NTM: variants seen among roughly 807,000 people sequenced by gnomAD.
NTM encodes IgLON family member 2.
NTM carries 13 observed loss-of-function variants against 42.1 expected under a neutral mutation model. The ratio of observed to expected loss-of-function variants is 0.31; its 90% CI spans 0.20 to 0.49. The LOEUF (loss-of-function observed/expected upper bound fraction) is 0.49, where lower values mean the gene tolerates loss of function less well. NTM is among the 20% of genes least tolerant of loss of function. NTM has a pLI of 0.99. For missense variants in NTM, 373 were observed against 452.8 expected (o/e 0.82, Z 1.60); for synonymous variants, 187 against 179.2 (o/e 1.04, Z -0.35).
At chr11:131,665,522 T>C (rs923693073) in intron 1 of NTM, among the ~76,000 whole-genome samples, 1 of 152,188 alleles carries the variant, frequency 6.6e-6, no homozygotes, top group Non-Finnish European at 1.5e-5. Flanking sequence ...AATGTCCTTA[T>C]AGAAAGCGAT....
In NTM at chr11:131,851,043, A is replaced by T. The variant is rs539981327; in HGVS notation, c.83-60521A>T. Among the ~76,000 whole-genome samples the T allele has an allele frequency of 2.6e-5, 4 of 152,308 alleles. No individual in the cohort carries two copies. In the South Asian group the frequency reaches 6.2e-4, roughly 24 times the overall value. ...AGCTTGGGCCCTCCTGAGTGTCCAC[A>T]CCAAAGCTGAGTTGAGACTTGCTTT... On this transcript the variant is annotated intron_variant, in intron 1 of 8. Coordinates refer to ENST00000683400, the MANE Select transcript of NTM (RefSeq NM_001352005.2).
chr11:131,702,669 A>G (rs540340721), intron 1 of NTM, among the ~76,000 whole-genome samples: 14 of 152,346 alleles, frequency 9.2e-5, no homozygotes, highest in African/African-American at 2.9e-4. Context: ...TGCTTTCCCA[A>G]GTGACTATTG....
chr11:132,187,608 G>A (rs2078636228), intron 3 of NTM, among the ~76,000 whole-genome samples: 1 of 152,154 alleles, frequency 6.6e-6, no homozygotes, highest in Non-Finnish European at 1.5e-5. Context: ...CTGTGCTGCT[G>A]GTGACCTCCA....
chr11:131,833,223 G>A (rs1241688049), intron 1 of NTM, among the ~76,000 whole-genome samples: 1 of 152,220 alleles, frequency 6.6e-6, no homozygotes, highest in Non-Finnish European at 1.5e-5. Flanking sequence ...GGAAAGGTGA[G>A]CTTTGTAGTC....
chr11:132,134,266 C>T (rs747608589), intron 2 of NTM, among the ~76,000 whole-genome samples: 2 of 151,536 alleles, frequency 1.3e-5, no homozygotes, highest in African/African-American at 2.4e-5. Context: ...AGGGGGAACA[C>T]CTTCTCACCT....
At chr11:131,751,792 C>T (rs2082591190) in intron 1 of NTM, among the ~76,000 whole-genome samples, 1 of 118,648 alleles carries the variant, frequency 8.4e-6, no homozygotes, top group South Asian at 2.9e-4. Flanking sequence ...ATACTTATTA[C>T]CATTTGTAGC....
chr11:132,118,514 CAG>C (rs759361252), intron 2 of NTM, among the ~76,000 whole-genome samples: 4 of 152,152 alleles, frequency 2.6e-5, no homozygotes, highest in Non-Finnish European at 5.9e-5. Context: ...ACATAAATGG[CAG>C]AGAGAAGAAA....
chr11:131,462,115 A>G (rs1453547836), intron 1 of NTM, among the ~76,000 whole-genome samples: 2 of 152,242 alleles, frequency 1.3e-5, no homozygotes, highest in Non-Finnish European at 2.9e-5. Context: ...AGTTGCTGAT[A>G]TTGTTACATG....
intron 2 of NTM, among the ~76,000 whole-genome samples, chr11:132,084,125 A>G (rs2059413646): frequency 6.6e-6 from 1 of 152,118 alleles, no homozygotes; most frequent in South Asian, 2.1e-4. Context: ...CACAATTTTC[A>G]AAATTATCAG....
At chr11:131,866,676 G>C (rs1352881141) in intron 1 of NTM, among the ~76,000 whole-genome samples, 2 of 152,178 alleles carry the variant, frequency 1.3e-5, no homozygotes, top group Non-Finnish European at 2.9e-5. Context: ...AACACCCTCG[G>C]ATTATTTTTG....
intron 1 of NTM, among the ~76,000 whole-genome samples, chr11:131,596,563 C>T (rs2059828024): frequency 6.6e-6 from 1 of 152,242 alleles, no homozygotes; most frequent in East Asian, 1.9e-4. Context: ...CTCTAGCCTT[C>T]CTTTCTGCTG....
chr11:131,427,655 G>T (rs1367987443), intron 1 of NTM, among the ~76,000 whole-genome samples: 1 of 152,202 alleles, frequency 6.6e-6, no homozygotes, highest in Non-Finnish European at 1.5e-5. Context: ...TCTTGAAAGT[G>T]GGTCTCTAAG....
At chr11:131,476,797 G>A (rs1325082689) in intron 1 of NTM, among the ~76,000 whole-genome samples, 2 of 125,046 alleles carry the variant, frequency 1.6e-5, no homozygotes, top group Non-Finnish European at 3.2e-5. Context: ...GCCCACATAG[G>A]CGGAAAAGCT....
At chr11:131,582,478 A>G (rs1355107414) in intron 1 of NTM, 2 of 152,188 alleles carry the variant, frequency 1.3e-5, no homozygotes, top group South Asian at 2.1e-4. Context: ...TAGTTAAACT[A>G]TGCTTTGGAG....
chr11:131,604,061 T>C (rs1441906762), intron 1 of NTM, among the ~76,000 whole-genome samples: 1 of 152,190 alleles, frequency 6.6e-6, no homozygotes, highest in Non-Finnish European at 1.5e-5. Context: ...TAGGAGTGGG[T>C]CATATGATAA....
chr11:131,603,062 C>G (rs1054400307), intron 1 of NTM, among the ~76,000 whole-genome samples: 13 of 152,170 alleles, frequency 8.5e-5, no homozygotes, highest in African/African-American at 3.1e-4. Context: ...TTCCATACAG[C>G]AGCAATTGTG....
intron 3 of NTM, among the ~76,000 whole-genome samples, chr11:132,147,212 T>A (rs7952294): frequency 0.1 from 12,757 of 122,958 alleles, 554 homozygotes; most frequent in African/African-American, 0.19. Context: ...TGTGTGTGTG[T>A]GTGAGAGAGA....
At chr11:131,878,640 T>TATATATATATAA (rs1488317297) in intron 1 of NTM, among the ~76,000 whole-genome samples, 1 of 121,364 alleles carries the variant, frequency 8.2e-6, no homozygotes, top group African/African-American at 3.4e-5. Context: ...TATATATATA[T>TATATATATATAA]AATGTCTTAT....
chr11:132,033,370 A>G (rs1344463691), intron 2 of NTM, among the ~76,000 whole-genome samples: 1 of 152,244 alleles, frequency 6.6e-6, no homozygotes, highest in Non-Finnish European at 1.5e-5. Flanking sequence ...TGAGTGGTGA[A>G]TAGAACATTA....
Sources: gnomAD v4.1 joint callset for allele counts (sites outside exome capture counted in the v4.1 genomes callset) on GRCh38, gnomAD v4.1.1 for gene constraint, MANE v1.5 for transcripts, NCBI Gene and HGNC (gene_info 2026-07-23, HGNC 2026-07-21) for gene names.